The following KLRG1 variants were observed in gnomAD, a reference collection of about 807,000 sequenced individuals.
The protein encoded by KLRG1 is killer cell lectin-like receptor subfamily G member 1.
Under a neutral mutation model 21.8 loss-of-function variants are expected in KLRG1, and 16 were observed. The observed-to-expected ratio is 0.73, with a 90% CI of 0.50 to 1.11. The LOEUF is 1.11. Ranked by LOEUF, KLRG1 falls within the 50% of genes most tolerant of loss-of-function variation. The pLI is 0.00. For synonymous variants in KLRG1, 69 were observed against 75.9 expected, an observed-to-expected ratio of 0.91 and a Z score of 0.47; for missense variants, 173 against 218.3, an observed-to-expected ratio of 0.79 and a Z score of 1.31.
the KLRG1 span, among the ~76,000 whole-genome samples, chr12:9,209,733 C>T: frequency 6.6e-6 from 1 of 151,972 alleles, no homozygotes; most frequent in Admixed American, 6.6e-5. Flanking sequence ...GATATGTATT[C>T]TTCAAGATGT....
the KLRG1 span, among the ~76,000 whole-genome samples, chr12:9,173,707 T>G: frequency 2.0e-5 from 3 of 152,050 alleles, no homozygotes; most frequent in Non-Finnish European, 4.4e-5. Context: ...CACCTCTGTC[T>G]ATATAAGCTA....
the KLRG1 span, among the ~76,000 whole-genome samples, chr12:9,027,072 G>C: frequency 1.7e-4 from 25 of 150,360 alleles, no homozygotes; most frequent in Non-Finnish European, 3.5e-4. Flanking sequence ...TGTACAACAT[G>C]TTGTTTTGAA....
In KLRG1 at chr12:8,989,647, T is replaced by A. The variant is rs1026791130; in HGVS notation, c.12T>A (p.Ser4Arg). MTD[S>R]VIYSMLELPT... ...GATCTTAGCTGAAGATGACTGACAGTGTTATTTATTCCATGTTAGAGTTGC... is the reference window on the plus strand; with the variant it reads ...GATCTTAGCTGAAGATGACTGACAGAGTTATTTATTCCATGTTAGAGTTGC... Residue 4 changes from serine to arginine, a missense_variant, in exon 1 of 5, where the codon AGT becomes AGA. Coordinates refer to ENST00000356986, the MANE Select transcript of KLRG1 (RefSeq NM_005810.4). 6.2e-7 allele frequency: 1 copy of A among 1,604,732 alleles called. No individual in the cohort carries two copies.
chr12:9,098,711 C>T, the KLRG1 span: 46 of 1,612,626 alleles, frequency 2.9e-5, no homozygotes, highest in Non-Finnish European at 3.6e-5. Flanking sequence ...CGCAGGTGGG[C>T]GTGTGAGGCT....
At chr12:8,979,692 G>T (rs1469015076) in intron 1 of KLRG1, among the ~76,000 whole-genome samples, 1 of 151,926 alleles carries the variant, frequency 6.6e-6, no homozygotes, top group East Asian at 1.9e-4. Flanking sequence ...CTTCTATAAT[G>T]TGTATATTGG....
At chr12:8,963,157 C>T (rs779441649) in intron 1 of KLRG1, among the ~76,000 whole-genome samples, 4 of 152,186 alleles carry the variant, frequency 2.6e-5, no homozygotes, top group Non-Finnish European at 4.4e-5. Context: ...CCCTGTCAAC[C>T]TAGAGTTCTA....
At chr12:8,986,629 C>A (rs1946845737), upstream of KLRG1, among the ~76,000 whole-genome samples, 1 of 151,706 alleles carries the variant, frequency 6.6e-6, no homozygotes, top group Non-Finnish European at 1.5e-5. Context: ...GAAGATCCTC[C>A]AAGCTTATTT....
At chr12:9,086,372 A>AAACC in the KLRG1 span, among the ~76,000 whole-genome samples, 1 of 152,166 alleles carries the variant, frequency 6.6e-6, no homozygotes, top group South Asian at 2.1e-4. Context: ...TTAAAAAACT[A>AAACC]AACCAACCAA....
chr12:8,963,643 C>T (rs1045988728), intron 1 of KLRG1, among the ~76,000 whole-genome samples: 10 of 152,092 alleles, frequency 6.6e-5, no homozygotes, highest in African/African-American at 1.2e-4. Context: ...TGGTAGAATT[C>T]GGCTGTGAAT....
chr12:9,182,019 C>G, the KLRG1 span: 2 of 1,613,834 alleles, frequency 1.2e-6, no homozygotes, highest in Non-Finnish European at 1.7e-6. Context: ...TCAGAGTCTC[C>G]AACAACTTCT....
At chr12:9,199,625 C>T in the KLRG1 span, among the ~76,000 whole-genome samples, 48 of 152,032 alleles carry the variant, frequency 3.2e-4, no homozygotes, top group African/African-American at 8.9e-4. Context: ...CTTCTAGAGG[C>T]CAACTGATGA....
intron 3 of KLRG1, among the ~76,000 whole-genome samples, chr12:9,001,781 G>C (rs116197298): frequency 0.018 from 2,757 of 152,186 alleles, 79 homozygotes; most frequent in African/African-American, 0.062. Context: ...TTCCCCTGTC[G>C]CTGCTTTTGG....
the KLRG1 span, chr12:9,091,372 C>T: frequency 2.3e-5 from 37 of 1,614,064 alleles, no homozygotes; most frequent in Admixed American, 3.3e-5. Flanking sequence ...AGGCCCCTGC[C>T]TTCCACTCGG....
chr12:9,140,622 A>G, the KLRG1 span, among the ~76,000 whole-genome samples: 5 of 152,222 alleles, frequency 3.3e-5, no homozygotes, highest in Admixed American at 2.0e-4. Context: ...ATTTTGTTCC[A>G]TAGAAGGAAT....
the KLRG1 span, among the ~76,000 whole-genome samples, chr12:9,105,434 C>G: frequency 6.6e-6 from 1 of 152,172 alleles, no homozygotes. Flanking sequence ...CATGACATAA[C>G]CAAGCCTTCT....
At chr12:9,024,281 C>G in the KLRG1 span, among the ~76,000 whole-genome samples, 2 of 152,048 alleles carry the variant, frequency 1.3e-5, no homozygotes, top group African/African-American at 4.8e-5. Context: ...CCCACCTCAG[C>G]CTTCCAAGGT....
chr12:9,106,591 G>T, the KLRG1 span: 11 of 1,572,840 alleles, frequency 7.0e-6, no homozygotes, highest in South Asian at 5.8e-5. Context: ...GATAGAAGCA[G>T]CCATGGCTGT....
the KLRG1 span, among the ~76,000 whole-genome samples, chr12:9,123,844 C>CTTT: frequency 1.1e-4 from 15 of 141,436 alleles, no homozygotes; most frequent in Admixed American, 7.5e-4. Context: ...AATTCAATGG[C>CTTT]TTTTTTTTTT....
chr12:9,167,681 T>C, the KLRG1 span: 1 of 152,248 alleles, frequency 6.6e-6, no homozygotes, highest in East Asian at 1.9e-4. Context: ...ACCTGATTCA[T>C]TTATAGCTAC....
Sources: allele counts gnomAD v4.1 joint callset (sites outside exome capture counted in the v4.1 genomes callset), GRCh38; gene constraint gnomAD v4.1.1; transcripts MANE v1.5; gene names NCBI Gene and HGNC (gene_info 2026-07-23, HGNC 2026-07-21).